The following SLC36A2 variants were observed in gnomAD, a reference collection of about 807,000 sequenced individuals.
The protein encoded by SLC36A2 is solute carrier family 36 member 2, also known as proton-coupled amino acid transporter 2.
A neutral mutation model predicts 42.7 loss-of-function variants in SLC36A2; 39 were observed. That is an observed-to-expected ratio of 0.91 (90% CI 0.71 to 1.19). The LOEUF (loss-of-function observed/expected upper bound fraction) is 1.19. Ranked by LOEUF, SLC36A2 falls within the 50% of genes most tolerant of loss-of-function variation. The pLI is 0.00. For synonymous variants in SLC36A2, 237 were observed against 240.8 expected (o/e 0.98, Z 0.15); for missense variants, 590 against 613.7 (o/e 0.96, Z 0.41).
chr5:151,342,213 C>T (rs1194836441), intron 4 of SLC36A2, among the ~76,000 whole-genome samples: 1 of 152,180 alleles, frequency 6.6e-6, no homozygotes, highest in Non-Finnish European at 1.5e-5. Flanking sequence ...TGCCTGGCTC[C>T]TTCTTCAGTT....
In SLC36A2 at chr5:151,344,152, C is replaced by T. The variant is rs371325402; in HGVS notation, c.255+25G>A. On this transcript the variant is annotated intron_variant, in intron 2 of 9. Transcript: ENST00000335244. ...TTCCCTTCTGCAACTGACCATAAAG[C>T]CCCCACATGTGGCGCCTCTCTTACC... 6.4e-4 allele frequency: 1,031 copies of T among 1,605,484 alleles called. 3 individuals carry two copies. The highest frequency in any genetic ancestry group is 8.2e-4 in the Non-Finnish European group (961 of 1,173,352).
rs773977673 is a variant in SLC36A2, at chr5:151,316,771, ATATAAT to A, written c.*40_*45del. ...AAAAAAAAAAAAAAAAAAGAGATCC[ATATAAT>A]TAAAAGTCGGGTGCTGGTAGGCAAG... On this transcript the variant is annotated 3_prime_UTR_variant, in exon 10 of 10. Transcript: ENST00000335244. The A allele has an allele frequency of 2.1e-6, 3 of 1,456,674 alleles. No individual in the cohort carries two copies. In the East Asian group the frequency reaches 7.0e-5, roughly 34 times the overall value. 90.2% of individuals were successfully genotyped at this position (1,456,674 alleles called of 1,614,324 possible).
intron 7 of SLC36A2, among the ~76,000 whole-genome samples, chr5:151,331,596 G>A (rs1329833822): frequency 6.6e-6 from 1 of 151,972 alleles, no homozygotes; most frequent in African/African-American, 2.4e-5. Context: ...TGGATTAAAG[G>A]TGTGAGCCAC....
At chr5:151,329,340 C>T (rs561354942) in intron 7 of SLC36A2, among the ~76,000 whole-genome samples, 3 of 152,008 alleles carry the variant, frequency 2.0e-5, no homozygotes, top group South Asian at 2.1e-4. Flanking sequence ...TTTGCTAAAA[C>T]CAAAAATCAG....
Position 151,316,418 on chromosome 5 carries a change from G to A in SLC36A2, c.*399C>T. ...CACCATGACTTGGCCCAGAGAAAAGGCAAAGCAGTGACATAAAGATAATGC... is the reference window on the plus strand; with the variant it reads ...CACCATGACTTGGCCCAGAGAAAAGACAAAGCAGTGACATAAAGATAATGC... On this transcript the variant is annotated 3_prime_UTR_variant, in exon 10 of 10. Transcript: ENST00000335244. 1 of 178,494 alleles carries A rather than the reference G, an allele frequency of 5.6e-6. No individual in the cohort carries two copies. The highest frequency in any genetic ancestry group is 1.2e-5 in the Non-Finnish European group (1 of 83,732). The allele number at this position is 178,494 out of a possible 1,614,324, so 11.1% of individuals were successfully genotyped here.
intron 8 of SLC36A2, among the ~76,000 whole-genome samples, chr5:151,323,079 T>TA (rs1168655563): frequency 6.6e-6 from 1 of 151,868 alleles, no homozygotes; most frequent in African/African-American, 2.4e-5. Context: ...CTACCAAAAA[T>TA]AAAAAATTAC....
rs1755490962 is a variant in SLC36A2 at position 151,316,399 on chromosome 5, G to A, written c.*418C>T. 2 of 176,324 alleles carry A rather than the reference G, an allele frequency of 1.1e-5. No individual in the cohort carries two copies. Among genetic ancestry groups the A allele is most frequent in the Non-Finnish European group, 2.4e-5 (2 of 82,494 alleles). The allele number at this position is 176,324 out of a possible 1,614,324, so 10.9% of individuals were successfully genotyped here. A position where few individuals can be genotyped will look rare whatever the true frequency, so the allele number is the denominator to read the frequency against. ...GCTTGTAGCTTTCTTGTTTCACCAT[G>A]ACTTGGCCCAGAGAAAAGGCAAAGC... On this transcript the variant is annotated 3_prime_UTR_variant, in exon 10 of 10. Coordinates refer to ENST00000335244, the MANE Select transcript of SLC36A2 (RefSeq NM_181776.3).
At chr5:151,326,437 C>T (rs930079987) in intron 7 of SLC36A2, among the ~76,000 whole-genome samples, 1 of 152,178 alleles carries the variant, frequency 6.6e-6, no homozygotes, top group Admixed American at 6.5e-5. Context: ...GCTGAGACTC[C>T]AGGAACACAG....
At chr5:151,336,459 C>CT (rs769643262) in intron 5 of SLC36A2, among the ~76,000 whole-genome samples, 7,193 of 113,052 alleles carry the variant, frequency 0.064, 337 homozygotes, top group African/African-American at 0.13. Flanking sequence ...TTCCCTCAAT[C>CT]TTTTTTTTTT....
At chr5:151,338,004 C>G (rs1166833178) in intron 5 of SLC36A2, among the ~76,000 whole-genome samples, 1 of 152,128 alleles carries the variant, frequency 6.6e-6, no homozygotes, top group Non-Finnish European at 1.5e-5. Flanking sequence ...GCTCTGTGAC[C>G]TTACATACAT....
Position 151,342,894 on chromosome 5 carries a change from C to G in SLC36A2, c.434G>C (p.Trp145Ser). 1 of 1,614,028 alleles carries G rather than the reference C, an allele frequency of 6.2e-7. No homozygotes were observed. The highest frequency in any genetic ancestry group is 8.5e-7 in the Non-Finnish European group (1 of 1,179,918). ...CAAAGCAAGAACAGGTTACCTTCCC[C>G]AGTGAGCGTGATTCTGGAGCCAGGC... ...PNAWLQNHAH[W>S]GRHIVSFFLI... Residue 145 changes from tryptophan (W) to serine (S), a missense_variant, in exon 4 of 10, where the codon TGG (tryptophan) becomes TCG (serine). Coordinates refer to ENST00000335244, the MANE Select transcript of SLC36A2 (RefSeq NM_181776.3).
At chr5:151,319,228 AGAAGT>A in intron 9 of SLC36A2, 2 of 591,194 alleles carry the variant, frequency 3.4e-6, no homozygotes, top group Non-Finnish European at 4.3e-6. Flanking sequence ...CAATGCATGA[AGAAGT>A]GTAGTGTAGG....
intron 4 of SLC36A2, 67 bp downstream of exon 4, chr5:151,342,821 C>A: frequency 7.3e-7 from 1 of 1,366,550 alleles, no homozygotes; most frequent in South Asian, 1.2e-5. Context: ...GGGAAGAAGT[C>A]ACCCTGATAG....
At chr5:151,333,934 T>A (rs927678925) in intron 6 of SLC36A2, among the ~76,000 whole-genome samples, 5 of 152,188 alleles carry the variant, frequency 3.3e-5, no homozygotes, top group African/African-American at 1.2e-4. Context: ...TGGACAGTGG[T>A]CATGGGTGTT....
chr5:151,325,115 G>A, intron 8 of SLC36A2, 171 bp downstream of exon 8: 1 of 775,442 alleles, frequency 1.3e-6, no homozygotes, highest in South Asian at 1.5e-5. Flanking sequence ...GTTGTTGAAG[G>A]AGGAACTCCC....
Position 151,334,836 on chromosome 5 carries a change from A to T in SLC36A2, c.744+493T>A, listed in dbSNP as rs577354559. Among the ~76,000 whole-genome samples, 4 of 152,268 alleles carry T rather than the reference A, an allele frequency of 2.6e-5. No individual in the cohort carries two copies. In the East Asian group the frequency reaches 5.8e-4, roughly 22 times the overall value. ...ATAGATTTGCTTATAGTTTTTTTTTAAATTAGTAACAAGACACTTATTGAA... is the reference window on the plus strand; with the variant it reads ...ATAGATTTGCTTATAGTTTTTTTTTTAATTAGTAACAAGACACTTATTGAA... On this transcript the variant is annotated intron_variant, in intron 6 of 9. Transcript: ENST00000335244.
At chr5:151,332,319 C>T (rs1756021727) in intron 7 of SLC36A2, 1 of 419,700 alleles carries the variant, frequency 2.4e-6, no homozygotes, top group African/African-American at 2.1e-5. Flanking sequence ...GACAAACAGC[C>T]TAATTAAAAA....
chr5:151,321,206 C>G (rs1755676690), intron 9 of SLC36A2, among the ~76,000 whole-genome samples: 1 of 151,648 alleles, frequency 6.6e-6, no homozygotes, highest in Admixed American at 6.6e-5. Context: ...ACTCTGTTGC[C>G]CAGGCTGGAG....
At chr5:151,333,431 A>G in intron 6 of SLC36A2, 109 bp from the exon 7 acceptor site, 2 of 942,400 alleles carry the variant, frequency 2.1e-6, no homozygotes, top group Non-Finnish European at 3.4e-6. Flanking sequence ...ATTGAATATC[A>G]AGAAGTTTAG....
Sources: gnomAD v4.1 joint callset for allele counts (sites outside exome capture counted in the v4.1 genomes callset) on GRCh38, gnomAD v4.1.1 for gene constraint, MANE v1.5 for transcripts, NCBI Gene and HGNC (gene_info 2026-07-23, HGNC 2026-07-21) for gene names.